Variants in XKR6 observed in about 807,000 individuals in gnomAD.
XKR6 encodes the protein XK related 6, also known as XK-related protein 6.
Under a neutral mutation model 56.7 loss-of-function variants are expected in XKR6, and 22 were observed. That is an observed-to-expected ratio of 0.39 (90% confidence interval 0.28 to 0.55). XKR6 has a LOEUF of 0.55. XKR6 is among the 20% of genes least tolerant of loss of function. The pLI is 0.66. For synonymous variants in XKR6, 524 were observed against 387.8 expected (o/e 1.35, Z -4.13); for missense variants, 852 against 889.0 (o/e 0.96, Z 0.53).
At chr8:11,049,480 C>A (rs1799491046) in intron 1 of XKR6, among the ~76,000 whole-genome samples, 1 of 152,170 alleles carries the variant, frequency 6.6e-6, no homozygotes, top group South Asian at 2.1e-4. Flanking sequence ...GAATTAGCCT[C>A]CTCCAGGGGT....
At chr8:11,135,954 A>G (rs918819696) in intron 1 of XKR6, among the ~76,000 whole-genome samples, 5 of 152,212 alleles carry the variant, frequency 3.3e-5, no homozygotes, top group Non-Finnish European at 7.3e-5. Context: ...ATAGATTAAT[A>G]TATTGTTTAT....
At chr8:10,921,378 G>C (rs1024786089) in intron 2 of XKR6, among the ~76,000 whole-genome samples, 3 of 152,200 alleles carry the variant, frequency 2.0e-5, no homozygotes, top group African/African-American at 7.2e-5. Context: ...CCCATCCCCA[G>C]CAGGTCTGGC....
chr8:10,910,859 G>T (rs766902074), intron 2 of XKR6, among the ~76,000 whole-genome samples: 1 of 152,208 alleles, frequency 6.6e-6, no homozygotes, highest in Non-Finnish European at 1.5e-5. Flanking sequence ...CACCCAGCTG[G>T]CATGGCACAA....
intron 1 of XKR6, among the ~76,000 whole-genome samples, chr8:11,094,413 C>A (rs1798203014): frequency 1.3e-5 from 2 of 152,008 alleles, no homozygotes; most frequent in East Asian, 3.9e-4. Context: ...TGGTCTGAAA[C>A]CCCTGGCCTC....
intron 1 of XKR6, among the ~76,000 whole-genome samples, chr8:11,173,644 T>C (rs1384470342): frequency 6.6e-6 from 1 of 152,134 alleles, no homozygotes; most frequent in Non-Finnish European, 1.5e-5. Context: ...TTGGGTGTCC[T>C]GTACATGGGA....
intron 1 of XKR6, among the ~76,000 whole-genome samples, chr8:11,060,548 T>G (rs1799806364): frequency 6.6e-6 from 1 of 152,168 alleles, no homozygotes; most frequent in Admixed American, 6.5e-5. Context: ...ACATGATTAT[T>G]GGTCTGTTTG....
At chr8:11,158,462 G>A (rs568875097) in intron 1 of XKR6, among the ~76,000 whole-genome samples, 21 of 152,250 alleles carry the variant, frequency 1.4e-4, no homozygotes, top group South Asian at 8.3e-4. Flanking sequence ...TCAGACAACC[G>A]GATTTTCACT....
intron 1 of XKR6, among the ~76,000 whole-genome samples, chr8:10,926,926 G>T (rs1245862497): frequency 6.6e-6 from 1 of 152,224 alleles, no homozygotes; most frequent in Non-Finnish European, 1.5e-5. Flanking sequence ...GAGACCCAGA[G>T]AGATAGAGGC....
intron 1 of XKR6, among the ~76,000 whole-genome samples, chr8:11,190,823 C>T (rs1392058879): frequency 6.6e-6 from 1 of 152,184 alleles, no homozygotes; most frequent in African/African-American, 2.4e-5. Flanking sequence ...CCATAGGTTA[C>T]TTTATCACTT....
intron 1 of XKR6, among the ~76,000 whole-genome samples, chr8:11,009,752 A>C (rs973755433): frequency 1.3e-5 from 2 of 152,216 alleles, no homozygotes; most frequent in Non-Finnish European, 1.5e-5. Flanking sequence ...AAAGGACATC[A>C]GGGAAAACTA....
intron 1 of XKR6, chr8:11,195,136 G>A: frequency 5.7e-6 from 4 of 703,220 alleles, no homozygotes; most frequent in South Asian, 1.5e-5. Flanking sequence ...ATGGGAGGAG[G>A]GAGAAGGGAA....
chr8:10,913,647 G>C (rs899305696), intron 2 of XKR6, among the ~76,000 whole-genome samples: 1 of 152,222 alleles, frequency 6.6e-6, no homozygotes. Context: ...GATGGGGAGG[G>C]ACCTGCCCCG....
At chr8:10,947,755 G>C in intron 1 of XKR6, among the ~76,000 whole-genome samples, 1 of 152,198 alleles carries the variant, frequency 6.6e-6, no homozygotes, top group East Asian at 1.9e-4. Flanking sequence ...AGTCCCTTGA[G>C]AATAGCCCAC....
intron 1 of XKR6, among the ~76,000 whole-genome samples, chr8:10,996,391 C>T (rs1223680467): frequency 2.6e-5 from 4 of 152,300 alleles, no homozygotes; most frequent in African/African-American, 7.2e-5. Flanking sequence ...TGAGGGAAAG[C>T]TTTCAGTTGC....
At chr8:11,079,565 G>C (rs921626740) in intron 1 of XKR6, among the ~76,000 whole-genome samples, 8 of 152,186 alleles carry the variant, frequency 5.3e-5, no homozygotes, top group African/African-American at 1.9e-4. Context: ...AGGGGAAAAA[G>C]GAAATGGCAT....
intron 1 of XKR6, among the ~76,000 whole-genome samples, chr8:11,096,238 A>G (rs905284420): frequency 6.6e-6 from 1 of 152,216 alleles, no homozygotes; most frequent in Admixed American, 6.5e-5. Context: ...AGCATAACCT[A>G]TTACATAATA....
At chr8:10,974,854 G>T (rs893990458) in intron 1 of XKR6, among the ~76,000 whole-genome samples, 28 of 152,344 alleles carry the variant, frequency 1.8e-4, no homozygotes, top group Admixed American at 1.8e-3. Context: ...GCAGATTTCA[G>T]CCGGGGAAGG....
At chr8:11,082,141 G>A (rs1797743924) in intron 1 of XKR6, among the ~76,000 whole-genome samples, 1 of 152,188 alleles carries the variant, frequency 6.6e-6, no homozygotes, top group South Asian at 2.1e-4. Flanking sequence ...CTGTGACCTG[G>A]GCAGAGGAAA....
At chr8:11,132,375 C>T (rs960912224) in intron 1 of XKR6, among the ~76,000 whole-genome samples, 1 of 151,336 alleles carries the variant, frequency 6.6e-6, no homozygotes, top group African/African-American at 2.4e-5. Context: ...TTTTTTTTCC[C>T]CCAGACGGAA....
Sources: gnomAD v4.1 joint callset for allele counts (sites outside exome capture counted in the v4.1 genomes callset) on GRCh38, gnomAD v4.1.1 for gene constraint, MANE v1.5 for transcripts, NCBI Gene and HGNC (gene_info 2026-07-23, HGNC 2026-07-21) for gene names.